The following EIF5A2 variants were observed in gnomAD, a reference collection of about 807,000 sequenced individuals.
The protein encoded by EIF5A2 is eukaryotic translation initiation factor 5A2.
A neutral mutation model predicts 16.4 loss-of-function variants in EIF5A2; 15 were observed. The ratio of observed to expected loss-of-function variants is 0.92; its 90% confidence interval spans 0.61 to 1.41. The LOEUF (loss-of-function observed/expected upper bound fraction) is 1.41, where lower values mean the gene tolerates loss of function less well. Ranked by LOEUF, EIF5A2 falls within the 40% of genes most tolerant of loss-of-function variation. The pLI, the probability that EIF5A2 is intolerant of heterozygous loss-of-function variation, is 0.00. For synonymous variants in EIF5A2, 48 were observed against 61.1 expected, an observed-to-expected ratio of 0.79 and a Z score of 1.00; for missense variants, 144 against 189.5, an observed-to-expected ratio of 0.76 and a Z score of 1.41.
chr3:170,894,673 G>A (rs1712623567), intron 3 of EIF5A2, among the ~76,000 whole-genome samples: 1 of 151,326 alleles, frequency 6.6e-6, no homozygotes, highest in Non-Finnish European at 1.5e-5. Context: ...TCTTTATAGT[G>A]TATTCCATTT....
intron 3 of EIF5A2, among the ~76,000 whole-genome samples, chr3:170,895,454 T>TAAA (rs1308783132): frequency 6.6e-6 from 1 of 152,208 alleles, no homozygotes; most frequent in Non-Finnish European, 1.5e-5. Context: ...ATTCTATTAA[T>TAAA]AAAAGCATGT....
In EIF5A2 at chr3:170,892,666, T is replaced by C; in HGVS notation, c.*694A>G. 2.5e-6 allele frequency: 1 copy of C among 398,076 alleles called. No homozygotes were observed. The highest frequency in any genetic ancestry group is 4.4e-6 in the Non-Finnish European group (1 of 225,832). The allele number at this position is 398,076 out of a possible 1,614,324, so 24.7% of individuals were successfully genotyped here. A position where few individuals can be genotyped will look rare whatever the true frequency, so the allele number is the denominator to read the frequency against. ...AGATTTAATCAACCCTCTTTGCCAC[T>C]GTCTTTTGTGTCTTCCTTATAATCT... On this transcript the variant is annotated 3_prime_UTR_variant, in exon 5 of 5. Coordinates refer to ENST00000295822, the MANE Select transcript of EIF5A2 (RefSeq NM_020390.6).
In EIF5A2 at chr3:170,890,506, A is replaced by G. The variant is rs1374909191; in HGVS notation, c.*2854T>C. Reference sequence around the variant, plus strand: ...CTGAGCCCCTGGAAGGGAGCATGAAAAAAACATCATAATTATGTTTATGAT... The same window carrying G: ...CTGAGCCCCTGGAAGGGAGCATGAAGAAAACATCATAATTATGTTTATGAT... On this transcript the variant is annotated 3_prime_UTR_variant, in exon 5 of 5. Transcript: ENST00000295822. 1 of 152,182 alleles carries G rather than the reference A, an allele frequency of 6.6e-6. No individual in the cohort carries two copies. The highest frequency in any genetic ancestry group is 1.5e-5 in the Non-Finnish European group (1 of 67,988). 9.4% of individuals were successfully genotyped at this position (152,182 alleles called of 1,614,324 possible).
Position 170,889,375 on chromosome 3 carries a change from CA to C in EIF5A2, c.*3984del, listed in dbSNP as rs1311174188. 2 of 152,256 alleles carry C rather than the reference CA, an allele frequency of 1.3e-5. No individual in the cohort carries two copies. Among genetic ancestry groups the C allele is most frequent in the Non-Finnish European group, 2.9e-5 (2 of 67,878 alleles). The allele number at this position is 152,256 out of a possible 1,614,324, so 9.4% of individuals were successfully genotyped here. On this transcript the variant is annotated 3_prime_UTR_variant, in exon 5 of 5. Transcript: ENST00000295822. ...AAATCCAAATGTTCCCTGCTAAAAT[CA>C]AATAATGATGCCATATACCCAATTC...
chr3:170,907,981 C>G, intron 1 of EIF5A2, 140 bp from the exon 2 acceptor site: 1 of 543,318 alleles, frequency 1.8e-6, no homozygotes, highest in Non-Finnish European at 2.9e-6. Context: ...CTAGTGGCCA[C>G]TTTCTAACTC....
At chr3:170,898,704 T>C (rs1712733286) in intron 3 of EIF5A2, among the ~76,000 whole-genome samples, 1 of 152,150 alleles carries the variant, frequency 6.6e-6, no homozygotes, top group African/African-American at 2.4e-5. Flanking sequence ...TTAAATTGAA[T>C]TATTTATTAA....
chr3:170,896,795 G>A (rs114494489), intron 3 of EIF5A2, among the ~76,000 whole-genome samples: 1 of 152,316 alleles, frequency 6.6e-6, no homozygotes, highest in Non-Finnish European at 1.5e-5. Context: ...CTGGGTAACA[G>A]GCAGAGACTG....
At chr3:170,900,397 G>T in intron 3 of EIF5A2, among the ~76,000 whole-genome samples, 1 of 151,044 alleles carries the variant, frequency 6.6e-6, no homozygotes. Flanking sequence ...AAAGAATGGG[G>T]TATTTTTTAT....
Position 170,888,788 on chromosome 3 carries a change from C to T in EIF5A2, c.*4572G>A, listed in dbSNP as rs1712448811. On this transcript the variant is annotated 3_prime_UTR_variant, in exon 5 of 5. Transcript: ENST00000295822. ...AAGTACATAACAGTATAGAACTAGT[C>T]ATTTTCATTATACTAGTATAGAACT... is the stretch of plus-strand genomic sequence containing the variant. 6.6e-6 allele frequency: 1 copy of T among 152,428 alleles called. No individual in the cohort carries two copies. Among genetic ancestry groups the T allele is most frequent in the African/African-American group, 2.4e-5 (1 of 41,418 alleles). The allele number at this position is 152,428 out of a possible 1,614,324, so 9.4% of individuals were successfully genotyped here.
intron 3 of EIF5A2, among the ~76,000 whole-genome samples, chr3:170,906,752 G>A (rs900925112): frequency 6.6e-6 from 1 of 152,088 alleles, no homozygotes; most frequent in African/African-American, 2.4e-5. Flanking sequence ...ACACTAATAA[G>A]TATTTGACTT....
At position 170,907,694 on chromosome 3, in the gene EIF5A2, C is replaced by T; in HGVS notation, c.113G>A (p.Cys38Tyr). 1 of 1,610,708 alleles carries T rather than the reference C, an allele frequency of 6.2e-7. No individual in the cohort carries two copies. The highest frequency in any genetic ancestry group is 8.5e-7 in the Non-Finnish European group (1 of 1,177,278). ...GGAAGTTGACATCTCCACTATTTTG[C>T]ATGGTCGTCCTTTGAGCACCACGAA... ...NGFVVLKGRP[C>Y]KIVEMSTSKT... Residue 38 changes from cysteine (C) to tyrosine (Y), a missense_variant, in exon 2 of 5, where the codon TGC becomes TAC. Transcript: ENST00000295822.
intron 3 of EIF5A2, among the ~76,000 whole-genome samples, chr3:170,899,232 G>A (rs1712746730): frequency 6.6e-6 from 1 of 151,566 alleles, no homozygotes; most frequent in African/African-American, 2.4e-5. Flanking sequence ...TGTTTTTTGG[G>A]GGGTTTGGTT....
chr3:170,907,072 T>TA lies in EIF5A2; in HGVS notation c.186dup (p.Ile63TyrfsTer8). On this transcript the variant is annotated frameshift_variant, in exon 3 of 5. Transcript: ENST00000295822. LOFTEE classifies it high-confidence loss of function. Reference sequence around the variant, plus strand: ...TCTTCATATTTTTTGCCCGTGAAAATATCAATTCCAACAAGGTGAACCTAA... The same window carrying TA: ...TCTTCATATTTTTTGCCCGTGAAAATAATCAATTCCAACAAGGTGAACCTAA... The TA allele has an allele frequency of 6.2e-7, 1 of 1,612,666 alleles. No individual in the cohort carries two copies. The highest frequency in any genetic ancestry group is 8.5e-7 in the Non-Finnish European group (1 of 1,179,298).
At chr3:170,894,111 T>C (rs74725778) in intron 4 of EIF5A2, among the ~76,000 whole-genome samples, 181 bp downstream of exon 4, 3,635 of 152,272 alleles carry the variant, frequency 0.024, 56 homozygotes, top group Non-Finnish European at 0.032. Context: ...AAAATGAACT[T>C]TGATACTTTC....
chr3:170,899,992 G>A (rs1049868934), intron 3 of EIF5A2, among the ~76,000 whole-genome samples: 1 of 151,602 alleles, frequency 6.6e-6, no homozygotes, highest in African/African-American at 2.4e-5. Flanking sequence ...CAGCAGAGGT[G>A]AGGGTCAAAA....
rs1324286845 is a variant in EIF5A2, at chr3:170,894,943, G to A, written c.271-520C>T. On this transcript the variant is annotated intron_variant, in intron 3 of 4. Transcript: ENST00000295822. ...TGGGAGGCTGAGGCAGGAGAATGGC[G>A]TGAACCCAGGAGGTGGAGCTTGCGG... 8.1e-5 allele frequency among the ~76,000 whole-genome samples: 12 copies of A among 148,368 alleles called. No homozygotes were observed. In the South Asian group the frequency reaches 8.5e-4, roughly 10 times the overall value.
chr3:170,899,101 C>G (rs1032979978), intron 3 of EIF5A2, among the ~76,000 whole-genome samples: 7 of 152,186 alleles, frequency 4.6e-5, no homozygotes, highest in African/African-American at 1.7e-4. Context: ...TAGTATTGTC[C>G]TGGATAGCAA....
chr3:170,894,764 C>T (rs1444424385), intron 3 of EIF5A2, among the ~76,000 whole-genome samples: 4 of 150,418 alleles, frequency 2.7e-5, no homozygotes, highest in Non-Finnish European at 5.9e-5. Context: ...CGGTGGCTCA[C>T]GCCTGTAATC....
At chr3:170,897,787 G>C (rs908115654) in intron 3 of EIF5A2, among the ~76,000 whole-genome samples, 2 of 152,180 alleles carry the variant, frequency 1.3e-5, no homozygotes, top group Non-Finnish European at 2.9e-5. Flanking sequence ...CTGCCTAGTG[G>C]AGCTGTGAGA....
Sources: allele counts gnomAD v4.1 joint callset (sites outside exome capture counted in the v4.1 genomes callset), GRCh38; gene constraint gnomAD v4.1.1; transcripts MANE v1.5; gene names NCBI Gene and HGNC (gene_info 2026-07-23, HGNC 2026-07-21).